OXSR1: variants seen among roughly 807,000 people sequenced by gnomAD.
The protein encoded by OXSR1 is oxidative stress responsive kinase 1, also known as serine/threonine-protein kinase OSR1.
In OXSR1, 24 loss-of-function variants were observed where a neutral mutation model predicts 79.8. The observed-to-expected ratio is 0.30, with a 90% CI of 0.22 to 0.42. The LOEUF (loss-of-function observed/expected upper bound fraction) is 0.42. Ranked by LOEUF, OXSR1 falls within the 10% of genes least tolerant of loss-of-function variation. The probability of loss-of-function intolerance (pLI) is 1.00; values close to 1 mark genes in which losing one functional copy is unlikely to be tolerated. For synonymous variants in OXSR1, 226 were observed against 209.2 expected, an observed-to-expected ratio of 1.08 and a Z score of -0.69; for missense variants, 430 against 618.4, an observed-to-expected ratio of 0.70 and a Z score of 3.23.
At chr3:38,240,095 T>C (rs762406310) in intron 11 of OXSR1, among the ~76,000 whole-genome samples, 4 of 152,186 alleles carry the variant, frequency 2.6e-5, no homozygotes, top group Non-Finnish European at 4.4e-5. Context: ...TTTAAGTGAA[T>C]GTGTAACTGT....
At chr3:38,205,127 T>C (rs974543285) in intron 4 of OXSR1, among the ~76,000 whole-genome samples, 6 of 151,370 alleles carry the variant, frequency 4.0e-5, no homozygotes, top group African/African-American at 1.5e-4. Context: ...ACAGATTCTC[T>C]CTCTGTGCCC....
chr3:38,178,620 ATTTTT>A (rs71085303), intron 1 of OXSR1, among the ~76,000 whole-genome samples: 18 of 95,106 alleles, frequency 1.9e-4, no homozygotes, highest in African/African-American at 5.3e-4. Context: ...ATATATATAT[ATTTTT>A]TTTTTTTTTT....
intron 2 of OXSR1, among the ~76,000 whole-genome samples, chr3:38,187,518 G>T (rs140821835): frequency 5.2e-4 from 79 of 152,146 alleles, no homozygotes; most frequent in Non-Finnish European, 7.9e-4. Context: ...GTGAAATGGA[G>T]GAAAACTGAC....
At chr3:38,186,867 C>G (rs1559504356) in intron 2 of OXSR1, among the ~76,000 whole-genome samples, 1 of 152,160 alleles carries the variant, frequency 6.6e-6, no homozygotes, top group Non-Finnish European at 1.5e-5. Flanking sequence ...CTGTGTTTAA[C>G]TTTTTGAAAA....
At chr3:38,252,159 A>G (rs1703270705) in intron 16 of OXSR1, among the ~76,000 whole-genome samples, 169 bp from the exon 17 acceptor site, 1 of 152,234 alleles carries the variant, frequency 6.6e-6, no homozygotes. Context: ...TACTACTCAG[A>G]AATGAGTTTA....
At chr3:38,243,553 T>C (rs376395117) in intron 12 of OXSR1, among the ~76,000 whole-genome samples, 3 of 152,250 alleles carry the variant, frequency 2.0e-5, no homozygotes, top group African/African-American at 4.8e-5. Context: ...TGGTCTGTTC[T>C]GTCATACAGT....
intron 8 of OXSR1, among the ~76,000 whole-genome samples, chr3:38,226,168 G>T (rs1206290157): frequency 1.3e-5 from 2 of 152,056 alleles, no homozygotes; most frequent in African/African-American, 2.4e-5. Flanking sequence ...GCTCCCATTG[G>T]ATTCCTGAAC....
At chr3:38,185,922 G>A (rs1411939640) in intron 2 of OXSR1, among the ~76,000 whole-genome samples, 1 of 143,256 alleles carries the variant, frequency 7.0e-6, no homozygotes, top group African/African-American at 2.7e-5. Context: ...GCCAGCCTGG[G>A]TGACACAGAG....
In OXSR1 at chr3:38,251,385, T is replaced by A; in HGVS notation, c.1376-18T>A. ...AGCACGCACAAAAAACAGAGCACTG[T>A]CTTCTTTGTCCTTGCAGATACAGCA... On this transcript the variant is annotated intron_variant, in intron 15 of 17. Transcript: ENST00000311806. 6.2e-7 allele frequency: 1 copy of A among 1,610,092 alleles called. No individual in the cohort carries two copies. Among genetic ancestry groups the A allele is most frequent in the Non-Finnish European group, 8.5e-7 (1 of 1,176,432 alleles).
rs1373294808 is a variant in OXSR1, at chr3:38,253,023, A to G, written c.*132A>G. On this transcript the variant is annotated 3_prime_UTR_variant, in exon 18 of 18. Transcript: ENST00000311806. ...CCGGCTAGGAGCTTTAGAAGTCTTTATGTTCTTCCTGCCATCATTCCTCCT... is the reference window on the plus strand; with the variant it reads ...CCGGCTAGGAGCTTTAGAAGTCTTTGTGTTCTTCCTGCCATCATTCCTCCT... The G allele has an allele frequency of 3.0e-6, 2 of 663,314 alleles. No homozygotes were observed. The highest frequency in any genetic ancestry group is 2.8e-5 in the Admixed American group (1 of 36,270). The allele number at this position is 663,314 out of a possible 1,614,324, so 41.1% of individuals were successfully genotyped here.
At chr3:38,228,507 T>A (rs985274895) in intron 8 of OXSR1, among the ~76,000 whole-genome samples, 2 of 152,192 alleles carry the variant, frequency 1.3e-5, no homozygotes, top group African/African-American at 4.8e-5. Flanking sequence ...TTTTAAACAT[T>A]ACTAAAGCCA....
At chr3:38,216,493 C>T (rs866292996) in intron 5 of OXSR1, among the ~76,000 whole-genome samples, 17 of 152,122 alleles carry the variant, frequency 1.1e-4, no homozygotes, top group South Asian at 6.2e-4. Context: ...AGAATAAGTA[C>T]GTTATATAGA....
At chr3:38,223,278 C>T (rs971256239) in intron 6 of OXSR1, among the ~76,000 whole-genome samples, 1 of 152,022 alleles carries the variant, frequency 6.6e-6, no homozygotes, top group African/African-American at 2.4e-5. Flanking sequence ...TACGTCACCA[C>T]TCCTAGCTAA....
At chr3:38,201,309 T>A (rs1322656838) in intron 4 of OXSR1, among the ~76,000 whole-genome samples, 1 of 152,148 alleles carries the variant, frequency 6.6e-6, no homozygotes, top group Non-Finnish European at 1.5e-5. Context: ...GGCTCACGCC[T>A]ATAATCCCAG....
intron 1 of OXSR1, among the ~76,000 whole-genome samples, chr3:38,166,220 G>T (rs984732574): frequency 6.6e-6 from 1 of 152,144 alleles, no homozygotes; most frequent in African/African-American, 2.4e-5. Flanking sequence ...GTGTGGACAG[G>T]AGCGGCCCAT....
intron 3 of OXSR1, among the ~76,000 whole-genome samples, chr3:38,194,381 G>A (rs1337450631): frequency 6.6e-6 from 1 of 152,062 alleles, no homozygotes; most frequent in Non-Finnish European, 1.5e-5. Flanking sequence ...GCAAGACCCT[G>A]TCTCTACCAA....
chr3:38,241,346 G>A (rs944335265), intron 11 of OXSR1, among the ~76,000 whole-genome samples: 4 of 152,044 alleles, frequency 2.6e-5, no homozygotes, highest in Non-Finnish European at 4.4e-5. Context: ...AAAAATCTAA[G>A]AAACGTGAAA....
At chr3:38,181,683 C>T (rs1701789295) in intron 1 of OXSR1, among the ~76,000 whole-genome samples, 1 of 152,152 alleles carries the variant, frequency 6.6e-6, no homozygotes, top group South Asian at 2.1e-4. Flanking sequence ...TTTGTAGAAG[C>T]ACTTTTATGA....
intron 6 of OXSR1, 67 bp downstream of exon 6, chr3:38,221,754 G>A: frequency 1.1e-6 from 1 of 910,152 alleles, no homozygotes. Context: ...AAACTTAATA[G>A]TGCTTGCTTT....
Sources: gnomAD v4.1 joint callset for allele counts (sites outside exome capture counted in the v4.1 genomes callset) on GRCh38, gnomAD v4.1.1 for gene constraint, MANE v1.5 for transcripts, NCBI Gene and HGNC (gene_info 2026-07-23, HGNC 2026-07-21) for gene names.